INPP4B: variants seen among roughly 807,000 people sequenced by gnomAD.
INPP4B encodes inositol polyphosphate-4-phosphatase type II B.
In INPP4B, 55 loss-of-function variants were observed where a neutral mutation model predicts 122.5. The observed-to-expected ratio is 0.45, with a 90% CI of 0.36 to 0.56. The LOEUF (loss-of-function observed/expected upper bound fraction) is 0.56. Among genes scored for constraint, INPP4B ranks in the 20% least tolerant of loss-of-function variants. The pLI is 0.00. For missense variants in INPP4B, 1,000 were observed against 1,097.7 expected (o/e 0.91, Z 1.26); for synonymous variants, 403 against 388.7 (o/e 1.04, Z -0.43).
intron 7 of INPP4B, among the ~76,000 whole-genome samples, chr4:142,337,882 C>T (rs1326749298): frequency 3.3e-5 from 5 of 150,882 alleles, no homozygotes; most frequent in African/African-American, 7.3e-5. Flanking sequence ...GTCTTTTTCA[C>T]GTCTCTTAGA....
intron 2 of INPP4B, among the ~76,000 whole-genome samples, chr4:142,709,316 G>A (rs1324819399): frequency 6.6e-6 from 1 of 152,090 alleles, no homozygotes; most frequent in East Asian, 1.9e-4. Context: ...ATGAGTTAAG[G>A]CTTTGGGGGA....
chr4:142,115,484 A>G (rs1346201403), intron 21 of INPP4B, among the ~76,000 whole-genome samples: 1 of 152,226 alleles, frequency 6.6e-6, no homozygotes, highest in Non-Finnish European at 1.5e-5. Flanking sequence ...TCTACAAGCC[A>G]GAAGATAGTG....
intron 2 of INPP4B, among the ~76,000 whole-genome samples, chr4:142,680,620 T>C (rs1162431167): frequency 6.6e-6 from 1 of 151,984 alleles, no homozygotes; most frequent in Non-Finnish European, 1.5e-5. Flanking sequence ...ACCTGCATGC[T>C]ATTTAGAAGT....
chr4:142,417,692 A>G (rs1158202493), intron 5 of INPP4B, among the ~76,000 whole-genome samples: 1 of 152,042 alleles, frequency 6.6e-6, no homozygotes, highest in Admixed American at 6.6e-5. Flanking sequence ...TACATCTAGC[A>G]CTATTCTTAG....
rs1312714711 is a variant in INPP4B, at chr4:142,082,205, G to A, written c.2488-20C>T. ...GCAAATCTGTAACATATGTAAGAAC[G>A]AACGTTTCTTGTTCATTTGTAATAC... On this transcript the variant is annotated intron_variant, in intron 24 of 25. Transcript: ENST00000262992. 4 of 1,487,350 alleles carry A rather than the reference G, an allele frequency of 2.7e-6. No homozygotes were observed. Among genetic ancestry groups the A allele is most frequent in the South Asian group, 1.4e-5 (1 of 69,912 alleles). The allele number at this position is 1,487,350 out of a possible 1,614,324, so 92.1% of individuals were successfully genotyped here.
intron 17 of INPP4B, 29 bp from the exon 18 acceptor site, chr4:142,146,025 T>C: frequency 6.3e-7 from 1 of 1,586,294 alleles, no homozygotes; most frequent in Non-Finnish European, 8.6e-7. Context: ...TCACTACATA[T>C]TTTTGTCACA....
chr4:142,784,603 T>C (rs1242348789), intron 1 of INPP4B, among the ~76,000 whole-genome samples: 1 of 151,970 alleles, frequency 6.6e-6, no homozygotes, highest in Non-Finnish European at 1.5e-5. Context: ...TGCTGGAGGA[T>C]ACATGCAGGT....
chr4:142,724,192 C>T (rs1419879519), intron 2 of INPP4B, among the ~76,000 whole-genome samples: 2 of 152,070 alleles, frequency 1.3e-5, no homozygotes, highest in Non-Finnish European at 2.9e-5. Context: ...TCCTTTGTTA[C>T]CTTCACTTCA....
At chr4:142,630,739 A>G (rs1747745733) in intron 2 of INPP4B, among the ~76,000 whole-genome samples, 1 of 152,170 alleles carries the variant, frequency 6.6e-6, no homozygotes. Flanking sequence ...GAAGCAATTT[A>G]TATAGCCTCA....
intron 1 of INPP4B, among the ~76,000 whole-genome samples, chr4:142,775,695 A>T (rs534896221): frequency 6.6e-6 from 1 of 152,052 alleles, no homozygotes; most frequent in Admixed American, 6.6e-5. Context: ...TGAGTGAAAT[A>T]TCTATTTAGA....
intron 25 of INPP4B, among the ~76,000 whole-genome samples, chr4:142,069,863 G>T (rs1765962022): frequency 6.6e-6 from 1 of 152,098 alleles, no homozygotes; most frequent in South Asian, 2.1e-4. Flanking sequence ...ACCAAAAAAA[G>T]TCCAGGACCA....
At chr4:142,102,161 T>G (rs573578329) in intron 23 of INPP4B, among the ~76,000 whole-genome samples, 1 of 152,114 alleles carries the variant, frequency 6.6e-6, no homozygotes, top group African/African-American at 2.4e-5. Context: ...GCTCCATGAC[T>G]CTATATTTCA....
intron 2 of INPP4B, among the ~76,000 whole-genome samples, chr4:142,683,718 C>T (rs139813752): frequency 2.4e-4 from 36 of 151,924 alleles, no homozygotes; most frequent in African/African-American, 8.4e-4. Context: ...ATATTTTAAT[C>T]TCTAGGCTAG....
intron 7 of INPP4B, among the ~76,000 whole-genome samples, chr4:142,364,717 C>A (rs568126086): frequency 6.6e-6 from 1 of 152,158 alleles, no homozygotes; most frequent in East Asian, 1.9e-4. Flanking sequence ...AAGAGGCACA[C>A]AATCCATGTG....
rs569503324 is a variant in INPP4B at position 142,136,092 on chromosome 4, C to T, written c.1720+9748G>A. 2.8e-3 allele frequency among the ~76,000 whole-genome samples: 422 copies of T among 152,284 alleles called. 2 individuals are homozygous for T. The highest frequency in any genetic ancestry group is 9.5e-3 in the African/African-American group (394 of 41,562). Reference sequence around the variant, plus strand: ...GATTACAGGTGTGAGCCACCGTGCCCGGAGGGTGCTTTTTATTTACTCTTT... The same window carrying T: ...GATTACAGGTGTGAGCCACCGTGCCTGGAGGGTGCTTTTTATTTACTCTTT... On this transcript the variant is annotated intron_variant, in intron 18 of 25. Coordinates refer to ENST00000262992, the MANE Select transcript of INPP4B (RefSeq NM_001101669.3).
intron 8 of INPP4B, among the ~76,000 whole-genome samples, chr4:142,312,734 T>C (rs564174872): frequency 6.6e-6 from 1 of 152,162 alleles, no homozygotes; most frequent in South Asian, 2.1e-4. Flanking sequence ...GGGTGGGCAG[T>C]GGAGGAAGTG....
intron 25 of INPP4B, among the ~76,000 whole-genome samples, chr4:142,079,409 G>A (rs1772650033): frequency 6.6e-6 from 1 of 151,978 alleles, no homozygotes. Flanking sequence ...TTGCTAGATG[G>A]CAGAGTGAGG....
chr4:142,698,176 C>T (rs1761262169), intron 2 of INPP4B, among the ~76,000 whole-genome samples: 1 of 151,902 alleles, frequency 6.6e-6, no homozygotes, highest in African/African-American at 2.4e-5. Flanking sequence ...ATGCCCTTAC[C>T]AGTAAGAGAA....
At chr4:142,787,012 TA>T in intron 1 of INPP4B, among the ~76,000 whole-genome samples, 1 of 152,236 alleles carries the variant, frequency 6.6e-6, no homozygotes, top group African/African-American at 2.4e-5. Context: ...CTTCAGTTAA[TA>T]ATAATCTATC....
Sources: allele counts gnomAD v4.1 joint callset (sites outside exome capture counted in the v4.1 genomes callset), GRCh38; gene constraint gnomAD v4.1.1; transcripts MANE v1.5; gene names NCBI Gene and HGNC (gene_info 2026-07-23, HGNC 2026-07-21).